The following PJVK variants were observed in gnomAD, a reference collection of about 807,000 sequenced individuals.
The protein encoded by PJVK is autosomal recessive deafness type 59 protein.
A neutral mutation model predicts 37.6 loss-of-function variants in PJVK; 33 were observed. The observed-to-expected ratio is 0.88, with a 90% CI of 0.67 to 1.17. PJVK has a LOEUF of 1.17. PJVK is among the 50% of genes most tolerant of loss of function. The probability of loss-of-function intolerance (pLI) is 0.00; values close to 1 mark genes in which losing one functional copy is unlikely to be tolerated. For missense variants in PJVK, 410 were observed against 413.8 expected (o/e 0.99, Z 0.08); for synonymous variants, 141 against 143.5 (o/e 0.98, Z 0.13).
At chr2:178,452,401 A>G (rs769470693) in intron 1 of PJVK, 42 of 984,940 alleles carry the variant, frequency 4.3e-5, no homozygotes, top group Admixed American at 1.9e-4. Context: ...ATATCATCTG[A>G]TGCTTTAATT....
At chr2:178,451,892 CGCTTCTCCAGGG>C (rs1183277166) in intron 1 of PJVK, 123 bp downstream of exon 1, 1 of 972,234 alleles carries the variant, frequency 1.0e-6, no homozygotes, top group Admixed American at 6.1e-5. Flanking sequence ...GATGACGTGT[CGCTTCTCCAGGG>C]GCTTGCTAGG....
chr2:178,455,496 C>T, intron 3 of PJVK: 1 of 961,256 alleles, frequency 1.0e-6, no homozygotes, highest in South Asian at 1.3e-5. Context: ...TCCCACTCTT[C>T]TCTGGGACTT....
chr2:178,452,827 T>C (rs1187574647), intron 1 of PJVK: 1 of 170,336 alleles, frequency 5.9e-6, no homozygotes. Context: ...TGAATTTATA[T>C]TTAATATTAA....
Position 178,460,387 on chromosome 2 carries a change from G to A in PJVK, c.707G>A (p.Arg236Lys). ...TCAGTGTCAAAAGGAGGATTTGAAAGGGAAGAAACGGCAACATTTGCACTG... is the reference window on the plus strand; with the variant it reads ...TCAGTGTCAAAAGGAGGATTTGAAAAGGAAGAAACGGCAACATTTGCACTG... ...VTSVSKGGFE[R>K]EETATFALLY... The change falls in exon 6 of 7, where the codon AGG becomes AAG. Residue 236 changes from arginine to lysine, a missense_variant. Coordinates refer to ENST00000644580, the MANE Select transcript of PJVK (RefSeq NM_001042702.5). 1 of 1,614,060 alleles carries A rather than the reference G, an allele frequency of 6.2e-7. No individual in the cohort carries two copies. Among genetic ancestry groups the A allele is most frequent in the South Asian group, 1.1e-5 (1 of 91,082 alleles).
chr2:178,453,623 A>G lies in PJVK; in HGVS notation c.211+3A>G. ...AGGAGACAGAGAAATTTCAGCTGGT[A>G]AGTTTAAATGTTTGGGAGTGCCAAC... On this transcript the variant is annotated splice_donor_region_variant and intron_variant, in intron 2 of 6. Coordinates refer to ENST00000644580, the MANE Select transcript of PJVK (RefSeq NM_001042702.5). 6.2e-7 allele frequency: 1 copy of G among 1,609,024 alleles called. No individual in the cohort carries two copies. The highest frequency in any genetic ancestry group is 8.5e-7 in the Non-Finnish European group (1 of 1,176,800).
At chr2:178,460,848 CAAAAA>C (rs748779811) in intron 6 of PJVK, 129 bp from the exon 7 acceptor site, 1,316 of 307,238 alleles carry the variant, frequency 4.3e-3, no homozygotes, top group South Asian at 6.6e-3. Flanking sequence ...GACCCTGTCT[CAAAAA>C]AAAAAAAAAA....
chr2:178,460,868 A>AAC (rs1684457726), intron 6 of PJVK, 114 bp from the exon 7 acceptor site: 1 of 1,027,420 alleles, frequency 9.7e-7, no homozygotes, highest in African/African-American at 1.7e-5. Flanking sequence ...AAAAAAAAAA[A>AAC]AAAAGCCAAA....
rs369811465 is a variant in PJVK, at chr2:178,455,414, G to A, written c.408-596G>A. ...GCATCCGGAGATGGATTTTTCCAAGGCTAAATTCAACTAGCCCCTGTTTTT... is the reference window on the plus strand; with the variant it reads ...GCATCCGGAGATGGATTTTTCCAAGACTAAATTCAACTAGCCCCTGTTTTT... On this transcript the variant is annotated intron_variant, in intron 3 of 6. Transcript: ENST00000644580. 2.8e-5 allele frequency: 39 copies of A among 1,390,204 alleles called. No homozygotes were observed. The African/African-American group carries it at 5.1e-4, about 18-fold the overall frequency. The allele number at this position is 1,390,204 out of a possible 1,614,324, so 86.1% of individuals were successfully genotyped here.
At chr2:178,455,161 G>A (rs1014910181) in intron 3 of PJVK, 119 of 1,600,232 alleles carry the variant, frequency 7.4e-5, no homozygotes, top group Non-Finnish European at 1.0e-4. Flanking sequence ...TGGTGACTGT[G>A]CATCTGGAGA....
intron 1 of PJVK, chr2:178,452,629 T>G (rs990456593): frequency 1.0e-6 from 1 of 985,198 alleles, no homozygotes; most frequent in Non-Finnish European, 1.2e-6. Context: ...TATATAGCTC[T>G]TGTTAAAGGT....
Position 178,461,032 on chromosome 2 carries a change from C to G in PJVK, c.817C>G (p.Leu273Val), listed in dbSNP as rs1559372255. The change falls in exon 7 of 7, where the codon CTT (leucine) becomes GTT (valine). Residue 273 changes from leucine to valine, a missense_variant. Coordinates refer to ENST00000644580, the MANE Select transcript of PJVK (RefSeq NM_001042702.5). ...ISRSQLYLDDLFSDYYDKPLS... is the reference protein window; with the variant it reads ...ISRSQLYLDDVFSDYYDKPLS... ...TCGTTCACAGCTTTACTTGGATGAT[C>G]TTTTTTCTGACTACTATGACAAACC... 1.2e-6 allele frequency: 2 copies of G among 1,613,912 alleles called. No homozygotes were observed. Among genetic ancestry groups the G allele is most frequent in the Admixed American group, 1.7e-5 (1 of 59,996 alleles).
chr2:178,455,700 A>G lies in PJVK; in HGVS notation c.408-310A>G, dbSNP rs546008575. Among the ~76,000 whole-genome samples the G allele has an allele frequency of 1.5e-3, 221 of 152,174 alleles. 5 individuals carry two copies. In the South Asian group the frequency reaches 0.022, roughly 15 times the overall value. Reference sequence around the variant, plus strand: ...AAACTTTTAATTGTTCCACAAAATTACTTTGGCTCTACACACATTTGCTTA... The same window carrying G: ...AAACTTTTAATTGTTCCACAAAATTGCTTTGGCTCTACACACATTTGCTTA... On this transcript the variant is annotated intron_variant, in intron 3 of 6. Coordinates refer to ENST00000644580, the MANE Select transcript of PJVK (RefSeq NM_001042702.5).
chr2:178,460,586 T>TAATC (rs1684427924), intron 6 of PJVK, 140 bp downstream of exon 6: 1 of 804,768 alleles, frequency 1.2e-6, no homozygotes, highest in Non-Finnish European at 2.0e-6. Context: ...CTCATGCCTA[T>TAATC]AATCCCAGCA....
chr2:178,455,406 T>C, intron 3 of PJVK: 1 of 1,394,792 alleles, frequency 7.2e-7, no homozygotes, highest in South Asian at 1.2e-5. Context: ...GAGATGGATT[T>C]TTCCAAGGCT....
At chr2:178,458,675 G>A (rs780412680) in intron 5 of PJVK, 48 bp downstream of exon 5, 2 of 1,362,550 alleles carry the variant, frequency 1.5e-6, no homozygotes, top group Non-Finnish European at 2.1e-6. Flanking sequence ...TTTTTAAGGA[G>A]CATTCATTAG....
rs1390972947 is a variant in PJVK at position 178,451,395 on chromosome 2, TGGCCCCTA to T, written c.-392_-385del. ...CCGGCCCTGACCAGCCTGTAGTAACTGGCCCCTAGGCCGCAGTTCTTTGTCCTTAGCAG... is the reference window on the plus strand; with the variant it reads ...CCGGCCCTGACCAGCCTGTAGTAACTGGCCGCAGTTCTTTGTCCTTAGCAG... On this transcript the variant is annotated 5_prime_UTR_variant, in exon 1 of 7. Transcript: ENST00000644580. 1 of 304,100 alleles carries T rather than the reference TGGCCCCTA, an allele frequency of 3.3e-6. No homozygotes were observed. The highest frequency in any genetic ancestry group is 2.2e-5 in the African/African-American group (1 of 44,634). The allele number at this position is 304,100 out of a possible 1,614,324, so 18.8% of individuals were successfully genotyped here.
At chr2:178,456,366 A>G in intron 4 of PJVK, 1 of 594,828 alleles carries the variant, frequency 1.7e-6, no homozygotes, top group Non-Finnish European at 2.9e-6. Context: ...ATGCAAAAAC[A>G]GTAATCCTTG....
At chr2:178,458,415 G>C (rs1056125677) in intron 4 of PJVK, 95 bp from the exon 5 acceptor site, 1 of 1,074,492 alleles carries the variant, frequency 9.3e-7, no homozygotes, top group Non-Finnish European at 1.4e-6. Context: ...TTTTTGTTTT[G>C]TTTTTGGTAG....
chr2:178,460,110 T>C, intron 5 of PJVK: 1 of 490,748 alleles, frequency 2.0e-6, no homozygotes, highest in Non-Finnish European at 3.7e-6. Context: ...CGGGTGCCCC[T>C]AAGCCCCTGA....
Sources: gnomAD v4.1 joint callset for allele counts (sites outside exome capture counted in the v4.1 genomes callset) on GRCh38, gnomAD v4.1.1 for gene constraint, MANE v1.5 for transcripts, NCBI Gene and HGNC (gene_info 2026-07-23, HGNC 2026-07-21) for gene names.